The following BMPR2 variants were observed in gnomAD, a reference collection of about 807,000 sequenced individuals.
The protein encoded by BMPR2 is bone morphogenetic protein receptor type 2, also known as bone morphogenetic protein receptor type-2.
A neutral mutation model predicts 100.8 loss-of-function variants in BMPR2; 29 were observed. The observed-to-expected ratio is 0.29, with a 90% CI of 0.21 to 0.39. The LOEUF is 0.39. Ranked by LOEUF, BMPR2 falls within the 10% of genes least tolerant of loss-of-function variation. The pLI, the probability that BMPR2 is intolerant of heterozygous loss-of-function variation, is 1.00. For synonymous variants in BMPR2, 382 were observed against 442.3 expected, an observed-to-expected ratio of 0.86 and a Z score of 1.71; for missense variants, 1,011 against 1,274.5, an observed-to-expected ratio of 0.79 and a Z score of 3.15.
chr2:202,559,447 T>TTG (rs976789737), intron 12 of BMPR2, among the ~76,000 whole-genome samples: 9 of 152,200 alleles, frequency 5.9e-5, no homozygotes, highest in African/African-American at 1.9e-4. Flanking sequence ...CTCCTGTGTT[T>TTG]TGTGTGTGTG....
intron 1 of BMPR2, among the ~76,000 whole-genome samples, chr2:202,435,407 A>G (rs1317701318): frequency 7.8e-6 from 1 of 128,114 alleles, no homozygotes; most frequent in East Asian, 2.1e-4. Flanking sequence ...ATATATATAT[A>G]TGTTTTTGTA....
Position 202,493,976 on chromosome 2 carries a change from CT to C in BMPR2, c.419-19742del, listed in dbSNP as rs1204257344. Among the ~76,000 whole-genome samples the C allele has an allele frequency of 1.6e-4, 24 of 152,226 alleles. No individual in the cohort carries two copies. In the South Asian group the frequency reaches 2.9e-3, roughly 18 times the overall value. ...ACCAGTCTTTCATATTCAGTATTAA[CT>C]ACTTGTTTGAAAAAACAAGAAATCT... On this transcript the variant is annotated intron_variant, in intron 3 of 12. Coordinates refer to ENST00000374580, the MANE Select transcript of BMPR2 (RefSeq NM_001204.7).
intron 7 of BMPR2, among the ~76,000 whole-genome samples, chr2:202,523,714 G>T (rs1030633621): frequency 6.6e-6 from 1 of 152,178 alleles, no homozygotes; most frequent in Non-Finnish European, 1.5e-5. Flanking sequence ...TGAGGCAGGA[G>T]AATCTCTTGA....
rs536372444 is a variant in BMPR2, at chr2:202,541,297, A to C, written c.1277-1014A>C. On this transcript the variant is annotated intron_variant, in intron 9 of 12. Transcript: ENST00000374580. ...CTCTACAAAAATATTTTTAAAAATT[A>C]GCTGGGCATGGTGCCACACTCTTGT... Among the ~76,000 whole-genome samples, 270 of 152,170 alleles carry C rather than the reference A, an allele frequency of 1.8e-3. 5 individuals carry two copies. Among genetic ancestry groups the C allele is most frequent in the Middle Eastern group, 3.4e-3 (1 of 294 alleles).
At chr2:202,409,901 T>C (rs747349924) in intron 1 of BMPR2, among the ~76,000 whole-genome samples, 8 of 152,132 alleles carry the variant, frequency 5.3e-5, no homozygotes, top group Non-Finnish European at 1.0e-4. Flanking sequence ...AAGACCTAGG[T>C]TCCTAACTCT....
At chr2:202,431,182 G>C (rs1574445159) in intron 1 of BMPR2, among the ~76,000 whole-genome samples, 1 of 150,602 alleles carries the variant, frequency 6.6e-6, no homozygotes, top group East Asian at 1.9e-4. Context: ...TGTCTCCTTT[G>C]CTGGAGCAAT....
At chr2:202,438,743 G>A (rs1469795361) in intron 1 of BMPR2, among the ~76,000 whole-genome samples, 1 of 150,412 alleles carries the variant, frequency 6.6e-6, no homozygotes, top group Admixed American at 6.6e-5. Flanking sequence ...GAATTGTCTT[G>A]GCACCCTTGT....
chr2:202,476,611 A>G (rs1456284285), intron 3 of BMPR2, among the ~76,000 whole-genome samples: 1 of 152,076 alleles, frequency 6.6e-6, no homozygotes, highest in Non-Finnish European at 1.5e-5. Context: ...TAACACAATG[A>G]AACCCGTCTC....
chr2:202,431,686 ATAGAG>A (rs1053767121), intron 1 of BMPR2, among the ~76,000 whole-genome samples: 1 of 148,706 alleles, frequency 6.7e-6, no homozygotes, highest in African/African-American at 2.6e-5. Flanking sequence ...GTATAGTAAC[ATAGAG>A]TACAGGTTTG....
At chr2:202,489,365 G>GA (rs1481447545) in intron 3 of BMPR2, among the ~76,000 whole-genome samples, 4 of 151,882 alleles carry the variant, frequency 2.6e-5, no homozygotes, top group African/African-American at 9.6e-5. Flanking sequence ...ATGGAGATAT[G>GA]AAAAAAGAAA....
intron 9 of BMPR2, among the ~76,000 whole-genome samples, chr2:202,541,120 T>C (rs1391760245): frequency 6.6e-6 from 1 of 152,222 alleles, no homozygotes; most frequent in Non-Finnish European, 1.5e-5. Flanking sequence ...TTTAAGTCCA[T>C]GATCTAAATA....
intron 1 of BMPR2, among the ~76,000 whole-genome samples, chr2:202,426,368 G>A (rs1249344351): frequency 1.3e-5 from 2 of 151,998 alleles, no homozygotes; most frequent in Non-Finnish European, 2.9e-5. Context: ...ATCACCTGAG[G>A]TCAGGAGTTT....
At chr2:202,435,266 A>G (rs1389160897) in intron 1 of BMPR2, among the ~76,000 whole-genome samples, 1 of 147,092 alleles carries the variant, frequency 6.8e-6, no homozygotes, top group East Asian at 1.9e-4. Context: ...CCGGAGGCTA[A>G]GGCTGGAGAA....
rs145308574 is a variant in BMPR2, at chr2:202,526,870, G to A, written c.968-3924G>A. Among the ~76,000 whole-genome samples the A allele has an allele frequency of 4.5e-3, 681 of 152,112 alleles. 8 individuals carry two copies. The highest frequency in any genetic ancestry group is 0.016 in the African/African-American group (662 of 41,500). ...AATATAGTAGCTATTTGAATTTATG[G>A]GATTTTTCTTTTTTTTGGAGTCTCA... On this transcript the variant is annotated intron_variant, in intron 7 of 12. Coordinates refer to ENST00000374580, the MANE Select transcript of BMPR2 (RefSeq NM_001204.7).
intron 3 of BMPR2, among the ~76,000 whole-genome samples, chr2:202,476,141 A>G (rs1451977660): frequency 6.6e-6 from 1 of 151,518 alleles, no homozygotes; most frequent in African/African-American, 2.4e-5. Flanking sequence ...GGAATTGACC[A>G]GTGTTTAATA....
At chr2:202,515,029 C>T (rs1164085182) in intron 5 of BMPR2, 50 bp downstream of exon 5, 1 of 1,452,442 alleles carries the variant, frequency 6.9e-7, no homozygotes, top group Non-Finnish European at 9.7e-7. Flanking sequence ...TGATACTAGA[C>T]CTGGAACAGT....
chr2:202,431,561 T>C (rs757195628), intron 1 of BMPR2, among the ~76,000 whole-genome samples: 7 of 150,694 alleles, frequency 4.6e-5, no homozygotes, highest in Non-Finnish European at 1.0e-4. Context: ...ACCTAATGAA[T>C]ATATGATGGT....
At chr2:202,400,874 A>T (rs1256714743) in intron 1 of BMPR2, among the ~76,000 whole-genome samples, 1 of 152,186 alleles carries the variant, frequency 6.6e-6, no homozygotes, top group Non-Finnish European at 1.5e-5. Flanking sequence ...TTTCTTATTT[A>T]AATTACTTAA....
intron 9 of BMPR2, among the ~76,000 whole-genome samples, chr2:202,534,709 C>T (rs942118042): frequency 3.6e-4 from 54 of 151,596 alleles, no homozygotes; most frequent in African/African-American, 1.3e-3. Context: ...TTTTCCCCAC[C>T]TTTCCCGCCT....
Sources: gnomAD v4.1 joint callset for allele counts (sites outside exome capture counted in the v4.1 genomes callset) on GRCh38, gnomAD v4.1.1 for gene constraint, MANE v1.5 for transcripts, NCBI Gene and HGNC (gene_info 2026-07-23, HGNC 2026-07-21) for gene names.